TENM2: variants seen among roughly 807,000 people sequenced by gnomAD.
TENM2 encodes the protein teneurin-2.
A neutral mutation model predicts 245.2 loss-of-function variants in TENM2; 52 were observed. The observed-to-expected ratio is 0.21, with a 90% CI of 0.17 to 0.27. The LOEUF is 0.27. Among genes scored for constraint, TENM2 ranks in the 10% least tolerant of loss-of-function variants. The probability of loss-of-function intolerance (pLI) is 1.00; values close to 1 mark genes in which losing one functional copy is unlikely to be tolerated. For synonymous variants in TENM2, 1,363 were observed against 1,438.9 expected, an observed-to-expected ratio of 0.95 and a Z score of 1.19; for missense variants, 3,046 against 3,666.8, an observed-to-expected ratio of 0.83 and a Z score of 4.37.
chr5:167,561,732 A>AT (rs1408909270), intron 2 of TENM2, among the ~76,000 whole-genome samples: 1 of 152,184 alleles, frequency 6.6e-6, no homozygotes, highest in African/African-American at 2.4e-5. Flanking sequence ...TTTACACCTC[A>AT]TTGTTAAGAG....
rs184810042 is a variant in TENM2, at chr5:167,456,827, G to T, written c.502+81354G>T. 3.3e-3 allele frequency among the ~76,000 whole-genome samples: 496 copies of T among 152,262 alleles called. 2 individuals carry two copies. Among genetic ancestry groups the T allele is most frequent in the African/African-American group, 0.012 (478 of 41,540 alleles). On this transcript the variant is annotated intron_variant, in intron 2 of 28. Coordinates refer to ENST00000518659, the Ensembl canonical transcript of TENM2. The stretch of plus-strand genomic sequence containing the variant: ...TATGCCATCTGTTCATCAGGTTCAG[G>T]CAGATAATATTAAAAGTATATGTTC...
At chr5:167,093,788 G>A in the TENM2 span, among the ~76,000 whole-genome samples, 1 of 152,110 alleles carries the variant, frequency 6.6e-6, no homozygotes, top group Non-Finnish European at 1.5e-5. Context: ...AAAGTGCAAG[G>A]GAGTTAATTA....
At chr5:168,242,557 TA>T (rs72286077) in intron 25 of TENM2, among the ~76,000 whole-genome samples, 11,437 of 152,304 alleles carry the variant, frequency 0.075, 535 homozygotes, top group African/African-American at 0.13. Flanking sequence ...AAGCTTTTTT[TA>T]TCATTTGTCA....
At chr5:167,105,814 GGAGGCGGAGCTTGCAGT>G in the TENM2 span, among the ~76,000 whole-genome samples, 498 of 143,884 alleles carry the variant, frequency 3.5e-3, 4 homozygotes, top group African/African-American at 0.012. Context: ...CGTGAACCCG[GGAGGCGGAGCTTGCAGT>G]GAGCCGAGAT....
chr5:167,028,432 G>T, the TENM2 span, among the ~76,000 whole-genome samples: 1 of 151,976 alleles, frequency 6.6e-6, no homozygotes, highest in South Asian at 2.1e-4. Context: ...GTAATTTAAT[G>T]TTGATTTACC....
At chr5:167,982,785 A>G (rs1410593674) in intron 4 of TENM2, among the ~76,000 whole-genome samples, 2 of 152,218 alleles carry the variant, frequency 1.3e-5, no homozygotes, top group East Asian at 3.8e-4. Flanking sequence ...CAAAAGAGAG[A>G]GAGCCTGACT....
chr5:167,702,552 G>GTATATATATATATA (rs374895330), intron 2 of TENM2, among the ~76,000 whole-genome samples: 21 of 136,780 alleles, frequency 1.5e-4, no homozygotes, highest in African/African-American at 5.7e-4. Flanking sequence ...GTGTGTGTGT[G>GTATATATATATATA]TATATATATA....
chr5:168,068,723 A>G (rs945921845), intron 7 of TENM2, among the ~76,000 whole-genome samples: 21 of 152,090 alleles, frequency 1.4e-4, no homozygotes, highest in Admixed American at 7.2e-4. Context: ...CCATCCCCCA[A>G]TCTCCAACAT....
intron 1 of TENM2, among the ~76,000 whole-genome samples, chr5:167,334,406 A>G (rs1223819341): frequency 6.6e-6 from 1 of 152,204 alleles, no homozygotes; most frequent in Non-Finnish European, 1.5e-5. Context: ...AAAATAAAAC[A>G]ATTTCTTTCC....
intron 2 of TENM2, among the ~76,000 whole-genome samples, chr5:167,537,391 T>A (rs1473539639): frequency 6.6e-6 from 1 of 152,146 alleles, no homozygotes; most frequent in Admixed American, 6.5e-5. Flanking sequence ...GTGACAATAA[T>A]CTCATCCTCA....
At chr5:167,100,176 G>C in the TENM2 span, among the ~76,000 whole-genome samples, 1 of 152,140 alleles carries the variant, frequency 6.6e-6, no homozygotes, top group Non-Finnish European at 1.5e-5. Context: ...TGCGTTTTTG[G>C]CAATGAGAGG....
intron 2 of TENM2, among the ~76,000 whole-genome samples, chr5:167,715,659 C>T (rs1441612939): frequency 1.3e-5 from 2 of 152,108 alleles, no homozygotes; most frequent in African/African-American, 4.8e-5. Flanking sequence ...TATACCTTTC[C>T]ATATAGTGTC....
In TENM2 at chr5:167,875,954, C is replaced by A. The variant is rs1281601390; in HGVS notation, c.503-32C>A. 5.4e-6 allele frequency: 8 copies of A among 1,490,594 alleles called. No individual in the cohort carries two copies. The Admixed American group carries it at 1.4e-4, about 26-fold the overall frequency. The allele number at this position is 1,490,594 out of a possible 1,614,324, so 92.3% of individuals were successfully genotyped here. A position where few individuals can be genotyped will look rare whatever the true frequency, so the allele number is the denominator to read the frequency against. ...TGGGGTGCTCTCGTGACACTCATTG[C>A]TGACCTTTGACCCCTCTGTCCTCTT... On this transcript the variant is annotated intron_variant, in intron 2 of 28. Coordinates refer to ENST00000518659, the Ensembl canonical transcript of TENM2.
intron 4 of TENM2, chr5:167,967,151 CTG>C (rs1160428867): frequency 2.0e-5 from 3 of 152,022 alleles, no homozygotes; most frequent in African/African-American, 7.3e-5. Context: ...AGAGACCAGG[CTG>C]TGTCTTTTTT....
chr5:167,962,576 C>A (rs986302813), intron 4 of TENM2, among the ~76,000 whole-genome samples: 1 of 151,998 alleles, frequency 6.6e-6, no homozygotes, highest in Non-Finnish European at 1.5e-5. Context: ...AAAGACATAC[C>A]CGAGACCCAG....
chr5:167,905,076 A>C (rs1056950172), intron 3 of TENM2, among the ~76,000 whole-genome samples: 2 of 152,200 alleles, frequency 1.3e-5, no homozygotes, highest in African/African-American at 4.8e-5. Flanking sequence ...AGAAATGTTG[A>C]GTCCAAAAAT....
chr5:167,608,452 A>T (rs1777212732), intron 2 of TENM2, among the ~76,000 whole-genome samples: 1 of 152,212 alleles, frequency 6.6e-6, no homozygotes, highest in South Asian at 2.1e-4. Flanking sequence ...TTCCTTGCCA[A>T]AGTGACCTTG....
At chr5:168,067,352 A>G (rs1239425871) in intron 7 of TENM2, among the ~76,000 whole-genome samples, 1 of 152,152 alleles carries the variant, frequency 6.6e-6, no homozygotes, top group African/African-American at 2.4e-5. Flanking sequence ...CTCATTAGCC[A>G]ATAGGGAGGA....
intron 5 of TENM2, among the ~76,000 whole-genome samples, chr5:167,998,923 T>C (rs1355056551): frequency 1.3e-5 from 2 of 152,212 alleles, no homozygotes; most frequent in Admixed American, 6.5e-5. Context: ...AAGCCTACCA[T>C]GTGTTTAAAG....
Sources: gnomAD v4.1 joint callset for allele counts (sites outside exome capture counted in the v4.1 genomes callset) on GRCh38, gnomAD v4.1.1 for gene constraint, MANE v1.5 for transcripts, NCBI Gene and HGNC (gene_info 2026-07-23, HGNC 2026-07-21) for gene names.